Variants in ELMO1 observed in about 807,000 individuals in gnomAD.
ELMO1 encodes engulfment and cell motility protein 1.
In ELMO1, 26 loss-of-function variants were observed where a neutral mutation model predicts 98.9. That is an observed-to-expected ratio of 0.26 (90% CI 0.19 to 0.36). The LOEUF (loss-of-function observed/expected upper bound fraction) is 0.36, where lower values mean the gene tolerates loss of function less well. Ranked by LOEUF, ELMO1 falls within the 10% of genes least tolerant of loss-of-function variation. The pLI, the probability that ELMO1 is intolerant of heterozygous loss-of-function variation, is 1.00. For synonymous variants in ELMO1, 346 were observed against 346.0 expected, an observed-to-expected ratio of 1.00 and a Z score of 0.00; for missense variants, 627 against 935.2, an observed-to-expected ratio of 0.67 and a Z score of 4.30.
At chr7:37,379,311 A>T (rs1406516754) in intron 1 of ELMO1, among the ~76,000 whole-genome samples, 1 of 152,090 alleles carries the variant, frequency 6.6e-6, no homozygotes, top group Non-Finnish European at 1.5e-5. Flanking sequence ...AAGTGCTGGG[A>T]TTAACAGGTG....
intron 20 of ELMO1, among the ~76,000 whole-genome samples, chr7:36,862,503 C>T (rs1348914335): frequency 6.6e-6 from 1 of 152,238 alleles, no homozygotes; most frequent in Non-Finnish European, 1.5e-5. Context: ...CCAAGGCACT[C>T]AGTGCCATGT....
At chr7:37,336,488 G>A (rs1800417346) in intron 2 of ELMO1, among the ~76,000 whole-genome samples, 1 of 152,186 alleles carries the variant, frequency 6.6e-6, no homozygotes, top group South Asian at 2.1e-4. Context: ...AAACTTTAAC[G>A]TCATGAGCGA....
intron 19 of ELMO1, among the ~76,000 whole-genome samples, chr7:36,876,150 G>C (rs188164133): frequency 6.6e-6 from 1 of 152,144 alleles, no homozygotes; most frequent in Non-Finnish European, 1.5e-5. Context: ...ATTCCACATC[G>C]CTGGGCTCTG....
At position 36,894,762 on chromosome 7, in the gene ELMO1, C is replaced by T. The variant is rs138056213; in HGVS notation, c.1601+92G>A. ...TTCTGCTGGCCTTCCCTGAGGAGCT[C>T]ACAACACAGCCCAGCTTCATGACAG... On this transcript the variant is annotated intron_variant, in intron 17 of 21. Coordinates refer to ENST00000310758, the MANE Select transcript of ELMO1 (RefSeq NM_014800.11). 1.8e-3 allele frequency: 2,843 copies of T among 1,539,792 alleles called. 54 individuals are homozygous for T. The African/African-American group carries it at 0.035, about 19-fold the overall frequency.
intron 4 of ELMO1, among the ~76,000 whole-genome samples, chr7:37,313,034 C>T (rs376509896): frequency 6.6e-6 from 1 of 152,152 alleles, no homozygotes; most frequent in South Asian, 2.1e-4. Flanking sequence ...TTCTATATAA[C>T]CTCTTTAATC....
At chr7:37,261,284 G>A (rs1449133832) in intron 5 of ELMO1, among the ~76,000 whole-genome samples, 1 of 152,204 alleles carries the variant, frequency 6.6e-6, no homozygotes, top group Non-Finnish European at 1.5e-5. Context: ...ACTTGCCCAA[G>A]GTCACACAGC....
At chr7:37,341,485 G>T (rs373980579) in intron 2 of ELMO1, among the ~76,000 whole-genome samples, 1 of 152,198 alleles carries the variant, frequency 6.6e-6, no homozygotes, top group African/African-American at 2.4e-5. Context: ...TCTTGAGTCA[G>T]TAGAAAACTA....
chr7:36,985,218 C>T (rs2129147178), intron 16 of ELMO1: 4 of 655,470 alleles, frequency 6.1e-6, no homozygotes, highest in South Asian at 1.4e-4. Context: ...TATAACTTTG[C>T]AAACCCTCTC....
At chr7:37,252,888 A>G (rs1010360171) in intron 6 of ELMO1, among the ~76,000 whole-genome samples, 7 of 152,094 alleles carry the variant, frequency 4.6e-5, no homozygotes, top group Non-Finnish European at 1.0e-4. Flanking sequence ...TTACAAGAAA[A>G]AAACAACCCT....
At chr7:37,119,605 T>C (rs542941571) in intron 14 of ELMO1, among the ~76,000 whole-genome samples, 1 of 152,314 alleles carries the variant, frequency 6.6e-6, no homozygotes, top group African/African-American at 2.4e-5. Flanking sequence ...TCTTCATCTG[T>C]TTAAAAAAGT....
At chr7:37,189,589 G>A (rs894799741) in intron 13 of ELMO1, among the ~76,000 whole-genome samples, 1 of 152,194 alleles carries the variant, frequency 6.6e-6, no homozygotes, top group Non-Finnish European at 1.5e-5. Context: ...GTATGTAACC[G>A]TGGTTATTCA....
intron 20 of ELMO1, among the ~76,000 whole-genome samples, chr7:36,864,449 G>T (rs551385944): frequency 6.6e-6 from 1 of 152,310 alleles, no homozygotes; most frequent in East Asian, 1.9e-4. Flanking sequence ...GCCTGGGAGG[G>T]GGTGGGAGGA....
chr7:37,370,013 C>T (rs1049105648), intron 1 of ELMO1, among the ~76,000 whole-genome samples: 2 of 152,142 alleles, frequency 1.3e-5, no homozygotes, highest in African/African-American at 4.8e-5. Flanking sequence ...CCTCAAAACT[C>T]CTTCCCTAGG....
intron 14 of ELMO1, among the ~76,000 whole-genome samples, chr7:37,119,804 T>C (rs968510005): frequency 1.4e-4 from 21 of 152,232 alleles, no homozygotes; most frequent in Non-Finnish European, 2.9e-4. Context: ...AAGGCATTTC[T>C]ATTCTCCCCC....
chr7:37,326,384 G>A (rs1415322534), intron 2 of ELMO1, among the ~76,000 whole-genome samples: 9 of 151,886 alleles, frequency 5.9e-5, no homozygotes, highest in Admixed American at 1.3e-4. Flanking sequence ...GTGAAACTCC[G>A]TCTTTACTAA....
chr7:36,881,700 TCA>T (rs1243911719), intron 18 of ELMO1, among the ~76,000 whole-genome samples: 4 of 152,146 alleles, frequency 2.6e-5, no homozygotes, highest in Admixed American at 2.6e-4. Flanking sequence ...AGAGCTGCTT[TCA>T]GAGTTCACAA....
intron 16 of ELMO1, among the ~76,000 whole-genome samples, chr7:37,006,701 GA>G (rs1554389854): frequency 6.6e-6 from 1 of 152,130 alleles, no homozygotes; most frequent in Non-Finnish European, 1.5e-5. Flanking sequence ...GGTGATTGGG[GA>G]AAAATACCTA....
intron 15 of ELMO1, among the ~76,000 whole-genome samples, chr7:37,018,792 T>C (rs1794104360): frequency 6.6e-6 from 1 of 152,222 alleles, no homozygotes; most frequent in African/African-American, 2.4e-5. Context: ...CTATTTGTAA[T>C]CAAGTACATG....
At chr7:37,344,652 T>C (rs1800907663) in intron 1 of ELMO1, among the ~76,000 whole-genome samples, 1 of 152,232 alleles carries the variant, frequency 6.6e-6, no homozygotes, top group Admixed American at 6.5e-5. Flanking sequence ...TCCAAATTTC[T>C]CTCCATTGGA....
Sources: allele counts gnomAD v4.1 joint callset (sites outside exome capture counted in the v4.1 genomes callset), GRCh38; gene constraint gnomAD v4.1.1; transcripts MANE v1.5; gene names NCBI Gene and HGNC (gene_info 2026-07-23, HGNC 2026-07-21).